PTPRT: variants seen among roughly 807,000 people sequenced by gnomAD.
PTPRT encodes the protein receptor-type tyrosine-protein phosphatase T.
A neutral mutation model predicts 176.8 loss-of-function variants in PTPRT; 56 were observed. The observed-to-expected ratio is 0.32, with a 90% CI of 0.26 to 0.40. The LOEUF is 0.40. Ranked by LOEUF, PTPRT falls within the 10% of genes least tolerant of loss-of-function variation. The pLI, the probability that PTPRT is intolerant of heterozygous loss-of-function variation, is 1.00. For synonymous variants in PTPRT, 783 were observed against 739.0 expected, an observed-to-expected ratio of 1.06 and a Z score of -0.96; for missense variants, 1,540 against 1,908.2, an observed-to-expected ratio of 0.81 and a Z score of 3.60.
chr20:42,243,795 C>T (rs1357481962), intron 14 of PTPRT, among the ~76,000 whole-genome samples: 4 of 152,262 alleles, frequency 2.6e-5, no homozygotes, highest in African/African-American at 7.2e-5. Flanking sequence ...CACCAACTCA[C>T]GTGATCTTTT....
intron 7 of PTPRT, among the ~76,000 whole-genome samples, chr20:42,633,465 G>A (rs1241062870): frequency 3.3e-5 from 5 of 151,794 alleles, no homozygotes; most frequent in Non-Finnish European, 5.9e-5. Flanking sequence ...CTAACACTTC[G>A]TTGTAAGTTG....
At chr20:42,375,954 C>A (rs1330189927) in intron 9 of PTPRT, among the ~76,000 whole-genome samples, 1 of 152,108 alleles carries the variant, frequency 6.6e-6, no homozygotes, top group Non-Finnish European at 1.5e-5. Flanking sequence ...AAACAAACAA[C>A]CACCATAACC....
Position 42,976,481 on chromosome 20 carries a change from G to C in PTPRT, c.89-90549C>G, listed in dbSNP as rs139162182. On this transcript the variant is annotated intron_variant, in intron 1 of 30. Coordinates refer to ENST00000373187, the MANE Select transcript of PTPRT (RefSeq NM_007050.6). ...AGTGCAGTGGTGCAATCTCGGCTTA[G>C]TGCAACCTCCGCCTCCTGGGTTCAA... 2.6e-3 allele frequency among the ~76,000 whole-genome samples: 394 copies of C among 151,676 alleles called. 1 individual carries two copies. Among genetic ancestry groups the C allele is most frequent in the Non-Finnish European group, 4.4e-3 (296 of 67,900 alleles).
At chr20:42,206,526 G>A (rs947998770) in intron 15 of PTPRT, among the ~76,000 whole-genome samples, 1 of 152,196 alleles carries the variant, frequency 6.6e-6, no homozygotes, top group African/African-American at 2.4e-5. Flanking sequence ...GTGACGGACG[G>A]CACCTGGAAA....
chr20:42,336,429 G>C (rs2058040592), intron 11 of PTPRT, among the ~76,000 whole-genome samples: 1 of 152,166 alleles, frequency 6.6e-6, no homozygotes, highest in Non-Finnish European at 1.5e-5. Context: ...ACAGGACTGG[G>C]GGAGGGGGGG....
chr20:42,066,037 C>CTTT, the PTPRT span, among the ~76,000 whole-genome samples: 41 of 124,168 alleles, frequency 3.3e-4, no homozygotes, highest in African/African-American at 5.8e-4. Flanking sequence ...TAGTATATTA[C>CTTT]TTTTTTTTTT....
intron 6 of PTPRT, among the ~76,000 whole-genome samples, chr20:42,736,306 T>C (rs1401347946): frequency 1.3e-5 from 2 of 152,188 alleles, no homozygotes; most frequent in African/African-American, 4.8e-5. Context: ...TGAGGCTAAC[T>C]AGAACTATCT....
At chr20:43,098,803 C>T (rs2012275591) in intron 1 of PTPRT, among the ~76,000 whole-genome samples, 1 of 152,184 alleles carries the variant, frequency 6.6e-6, no homozygotes, top group Non-Finnish European at 1.5e-5. Flanking sequence ...GGACCCTGGG[C>T]TTAGTGGCAC....
At chr20:42,390,129 T>C (rs953123763) in intron 9 of PTPRT, among the ~76,000 whole-genome samples, 1 of 152,280 alleles carries the variant, frequency 6.6e-6, no homozygotes, top group Middle Eastern at 3.4e-3. Flanking sequence ...CCCAATTGTA[T>C]CCTCAGCAGC....
intron 1 of PTPRT, among the ~76,000 whole-genome samples, chr20:42,910,437 A>C (rs142387200): frequency 6.6e-6 from 1 of 152,106 alleles, no homozygotes; most frequent in Non-Finnish European, 1.5e-5. Flanking sequence ...TTTTGGGGGG[A>C]AAAACTATGT....
intron 2 of PTPRT, among the ~76,000 whole-genome samples, chr20:42,801,667 C>T (rs2077532795): frequency 6.6e-6 from 1 of 152,090 alleles, no homozygotes; most frequent in Admixed American, 6.6e-5. Flanking sequence ...GGCAAGAACC[C>T]AGACTTGATT....
Position 43,051,170 on chromosome 20 carries a change from A to C in PTPRT, c.88+138476T>G, listed in dbSNP as rs141998820. Among the ~76,000 whole-genome samples, 19 of 152,342 alleles carry C rather than the reference A, an allele frequency of 1.2e-4. No homozygotes were observed. In the East Asian group the frequency reaches 3.5e-3, roughly 28 times the overall value. The stretch of plus-strand genomic sequence containing the variant: ...CGAAAGTCTTTGAGTTCTTGGATCA[A>C]GCTATACCTGAAATCTGGACCACTC... On this transcript the variant is annotated intron_variant, in intron 1 of 30. Transcript: ENST00000373187.
chr20:42,565,101 GAC>G (rs1257826449), intron 7 of PTPRT, among the ~76,000 whole-genome samples: 1 of 152,058 alleles, frequency 6.6e-6, no homozygotes, highest in Non-Finnish European at 1.5e-5. Context: ...TTAGAGCTGG[GAC>G]ATGAAGACAG....
At chr20:42,213,065 C>A (rs887233108) in intron 15 of PTPRT, among the ~76,000 whole-genome samples, 2 of 152,230 alleles carry the variant, frequency 1.3e-5, no homozygotes, top group African/African-American at 4.8e-5. Flanking sequence ...ACCACCGATG[C>A]GGAACAGCTG....
intron 14 of PTPRT, 125 bp downstream of exon 14, chr20:42,248,562 G>T: frequency 8.0e-7 from 1 of 1,254,194 alleles, no homozygotes; most frequent in Non-Finnish European, 1.1e-6. Context: ...TGTATTTCCG[G>T]ACCTCAATGG....
intron 13 of PTPRT, among the ~76,000 whole-genome samples, chr20:42,274,581 G>GTGTATGTGTA (rs1555812658): frequency 1.3e-3 from 168 of 134,166 alleles, no homozygotes; most frequent in South Asian, 2.7e-3. Context: ...GTGTGTGTGT[G>GTGTATGTGTA]TGTGTGTGTG....
chr20:42,314,950 T>C (rs556071536), intron 12 of PTPRT, among the ~76,000 whole-genome samples: 12 of 152,198 alleles, frequency 7.9e-5, no homozygotes, highest in Non-Finnish European at 1.8e-4. Flanking sequence ...ATTGGTGTTG[T>C]AGTATGGATA....
At chr20:42,091,444 C>G (rs1015774161) in intron 27 of PTPRT, among the ~76,000 whole-genome samples, 1 of 152,182 alleles carries the variant, frequency 6.6e-6, no homozygotes, top group South Asian at 2.1e-4. Context: ...GAGCATATTT[C>G]AGTGCACCTT....
At chr20:42,978,925 A>G (rs1983117009) in intron 1 of PTPRT, among the ~76,000 whole-genome samples, 1 of 152,162 alleles carries the variant, frequency 6.6e-6, no homozygotes. Flanking sequence ...TGCTCTGTCT[A>G]TGGAGTAGCC....
Sources: allele counts gnomAD v4.1 joint callset (sites outside exome capture counted in the v4.1 genomes callset), GRCh38; gene constraint gnomAD v4.1.1; transcripts MANE v1.5; gene names NCBI Gene and HGNC (gene_info 2026-07-23, HGNC 2026-07-21).